Variants in CHSY3 observed in about 807,000 individuals in gnomAD.
CHSY3 encodes the protein N-acetylgalactosaminyl-proteoglycan 3-beta-glucuronosyltransferase 3.
Under a neutral mutation model 67.2 loss-of-function variants are expected in CHSY3, and 35 were observed. The ratio of observed to expected loss-of-function variants is 0.52; its 90% confidence interval spans 0.40 to 0.69. The LOEUF is 0.69. Ranked by LOEUF, CHSY3 falls within the 30% of genes least tolerant of loss-of-function variation. CHSY3 has a pLI of 0.00. For synonymous variants in CHSY3, 474 were observed against 434.7 expected (o/e 1.09, Z -1.12); for missense variants, 1,069 against 1,138.5 (o/e 0.94, Z 0.88).
At chr5:130,058,303 T>C (rs1385451618) in intron 2 of CHSY3, among the ~76,000 whole-genome samples, 2 of 152,174 alleles carry the variant, frequency 1.3e-5, no homozygotes, top group Non-Finnish European at 2.9e-5. Context: ...CAAGGAAAGA[T>C]GATATCATAC....
At chr5:130,006,421 A>G (rs908620342) in intron 2 of CHSY3, among the ~76,000 whole-genome samples, 4 of 152,208 alleles carry the variant, frequency 2.6e-5, no homozygotes, top group Admixed American at 2.0e-4. Context: ...GACAAGTTCC[A>G]AAGAACCAGC....
chr5:129,951,653 G>A (rs974465757), intron 2 of CHSY3, among the ~76,000 whole-genome samples: 1 of 152,100 alleles, frequency 6.6e-6, no homozygotes, highest in Non-Finnish European at 1.5e-5. Flanking sequence ...AGCCCCACCT[G>A]ATAGGGATCT....
At chr5:130,035,823 A>G (rs527312263) in intron 2 of CHSY3, among the ~76,000 whole-genome samples, 1 of 151,596 alleles carries the variant, frequency 6.6e-6, no homozygotes, top group South Asian at 2.1e-4. Flanking sequence ...GCAGTTGATC[A>G]GGATACTGGC....
chr5:130,124,787 C>T (rs568925962), intron 2 of CHSY3, among the ~76,000 whole-genome samples: 1 of 152,222 alleles, frequency 6.6e-6, no homozygotes, highest in Admixed American at 6.5e-5. Flanking sequence ...TTAACCATGG[C>T]ACATGTATTC....
At position 130,143,834 on chromosome 5, in the gene CHSY3, A is replaced by G. The variant is rs185970362; in HGVS notation, c.1087-40395A>G. Among the ~76,000 whole-genome samples, 1,081 of 133,178 alleles carry G rather than the reference A, an allele frequency of 8.1e-3. 47 individuals are homozygous for G. The highest frequency in any genetic ancestry group is 0.028 in the African/African-American group (980 of 35,324). 87.4% of individuals were successfully genotyped at this position (133,178 alleles called of 152,430 possible). A position where few individuals can be genotyped will look rare whatever the true frequency, so the allele number is the denominator to read the frequency against. On this transcript the variant is annotated intron_variant, in intron 2 of 2. Coordinates refer to ENST00000305031, the MANE Select transcript of CHSY3 (RefSeq NM_175856.5). ...TGTATATATATATATATATATATAT[A>G]TATATATATATATGCCAATTCAGCT...
intron 2 of CHSY3, among the ~76,000 whole-genome samples, chr5:130,028,240 G>A (rs1026365325): frequency 1.3e-5 from 2 of 152,098 alleles, no homozygotes; most frequent in Non-Finnish European, 2.9e-5. Context: ...AAAGCTGGAG[G>A]CATCACACTA....
intron 2 of CHSY3, among the ~76,000 whole-genome samples, chr5:129,943,148 A>G (rs1007290835): frequency 6.6e-6 from 1 of 152,196 alleles, no homozygotes; most frequent in African/African-American, 2.4e-5. Flanking sequence ...TGAACTAAAT[A>G]GGTCTCTTTT....
chr5:129,936,281 A>G (rs1001199118), intron 2 of CHSY3, among the ~76,000 whole-genome samples: 3 of 152,220 alleles, frequency 2.0e-5, no homozygotes, highest in Non-Finnish European at 2.9e-5. Flanking sequence ...TTGAAAGCAA[A>G]AGGAACACCT....
chr5:130,055,655 T>C (rs1416734324), intron 2 of CHSY3, among the ~76,000 whole-genome samples: 1 of 152,078 alleles, frequency 6.6e-6, no homozygotes, highest in Non-Finnish European at 1.5e-5. Context: ...ATATGTCCTC[T>C]ATACATCCCA....
At chr5:129,911,449 G>A (rs2149576598) in intron 2 of CHSY3, among the ~76,000 whole-genome samples, 2 of 152,232 alleles carry the variant, frequency 1.3e-5, no homozygotes, top group Middle Eastern at 6.8e-3. Flanking sequence ...TTTTAAGAGT[G>A]TTTATCTCAT....
Position 130,184,700 on chromosome 5 carries a change from A to G in CHSY3, c.1558A>G (p.Lys520Glu), listed in dbSNP as rs945488555. Residue 520 changes from lysine (K) to glutamate (E), a missense_variant, in exon 3 of 3, where the codon AAG (lysine) becomes GAG (glutamate). Coordinates refer to ENST00000305031, the MANE Select transcript of CHSY3 (RefSeq NM_175856.5). ...AKSRGRLIDF[K>E]EIQYGYRRVN... ...GAGCAGAGGACGGCTCATTGACTTC[A>G]AGGAAATTCAGTATGGCTACCGCAG... 2.5e-6 allele frequency: 4 copies of G among 1,610,700 alleles called. No individual in the cohort carries two copies. In the African/African-American group the frequency reaches 5.3e-5, roughly 22 times the overall value.
At chr5:130,172,496 A>G (rs1440432653) in intron 2 of CHSY3, among the ~76,000 whole-genome samples, 4 of 151,796 alleles carry the variant, frequency 2.6e-5, no homozygotes, top group Admixed American at 2.6e-4. Context: ...ATGCCCAGCT[A>G]ATTTTTCTAT....
At chr5:130,146,315 A>G (rs1198325079) in intron 2 of CHSY3, among the ~76,000 whole-genome samples, 1 of 152,194 alleles carries the variant, frequency 6.6e-6, no homozygotes, top group East Asian at 1.9e-4. Context: ...TGGTTGAATC[A>G]GGAGGATATT....
chr5:130,020,461 ATTT>A lies in CHSY3; in HGVS notation c.1086+112117_1086+112119del, dbSNP rs1196155924. Among the ~76,000 whole-genome samples the A allele has an allele frequency of 6.0e-4, 48 of 79,828 alleles. 1 individual carries two copies. The highest frequency in any genetic ancestry group is 2.6e-3 in the African/African-American group (43 of 16,362). The allele number at this position is 79,828 out of a possible 152,430, so 52.4% of individuals were successfully genotyped here. On this transcript the variant is annotated intron_variant, in intron 2 of 2. Transcript: ENST00000305031. ...TATATATATATATATATATATATATATTTTTTTTTTTTTTTTTTCCTCTGGCTC... is the reference window on the plus strand; with the variant it reads ...TATATATATATATATATATATATATATTTTTTTTTTTTTTTCCTCTGGCTC...
At chr5:130,180,824 T>C (rs752722067) in intron 2 of CHSY3, among the ~76,000 whole-genome samples, 22 of 152,202 alleles carry the variant, frequency 1.4e-4, no homozygotes, top group Non-Finnish European at 2.1e-4. Flanking sequence ...CATTCCAGCC[T>C]CGGCGACAGA....
chr5:130,176,619 T>C (rs1347014265), intron 2 of CHSY3, among the ~76,000 whole-genome samples: 1 of 152,090 alleles, frequency 6.6e-6, no homozygotes, highest in African/African-American at 2.4e-5. Flanking sequence ...ATAGACTAGA[T>C]AAAGAAAATG....
chr5:130,180,026 G>A (rs931658184), intron 2 of CHSY3, among the ~76,000 whole-genome samples: 4 of 151,980 alleles, frequency 2.6e-5, no homozygotes, highest in Non-Finnish European at 5.9e-5. Context: ...GGTTTATTCC[G>A]CCTGTCCAGC....
chr5:129,931,023 C>T (rs990649569), intron 2 of CHSY3, among the ~76,000 whole-genome samples: 5 of 152,044 alleles, frequency 3.3e-5, no homozygotes, highest in Non-Finnish European at 7.4e-5. Flanking sequence ...TACAGTCTGC[C>T]TATAGTAACA....
chr5:130,131,921 C>A (rs1443358019), intron 2 of CHSY3, among the ~76,000 whole-genome samples: 2 of 152,142 alleles, frequency 1.3e-5, no homozygotes, highest in Non-Finnish European at 2.9e-5. Context: ...TAAATTGTAT[C>A]ATAGAGAGTG....
Sources: gnomAD v4.1 joint callset for allele counts (sites outside exome capture counted in the v4.1 genomes callset) on GRCh38, gnomAD v4.1.1 for gene constraint, MANE v1.5 for transcripts, NCBI Gene and HGNC (gene_info 2026-07-23, HGNC 2026-07-21) for gene names.